The following UNC80 variants were observed in gnomAD, a reference collection of about 807,000 sequenced individuals.
UNC80 encodes the protein protein unc-80 homolog.
In UNC80, 164 loss-of-function variants were observed where a neutral mutation model predicts 384.6. That is an observed-to-expected ratio of 0.43 (90% confidence interval 0.38 to 0.49). The LOEUF (loss-of-function observed/expected upper bound fraction) is 0.49, where lower values mean the gene tolerates loss of function less well. Ranked by LOEUF, UNC80 falls within the 20% of genes least tolerant of loss-of-function variation. The probability of loss-of-function intolerance (pLI) is 0.00; values close to 1 mark genes in which losing one functional copy is unlikely to be tolerated. For synonymous variants in UNC80, 1,486 were observed against 1,527.8 expected, an observed-to-expected ratio of 0.97 and a Z score of 0.64; for missense variants, 3,330 against 4,143.0, an observed-to-expected ratio of 0.80 and a Z score of 5.39.
chr2:209,796,527 C>T (rs1322219318), intron 7 of UNC80: 1 of 152,232 alleles, frequency 6.6e-6, no homozygotes, highest in Non-Finnish European at 1.5e-5. Flanking sequence ...TGTGTCCCCA[C>T]TAAATCTCAG....
At chr2:209,863,173 C>T (rs62201561) in intron 22 of UNC80, among the ~76,000 whole-genome samples, 17,163 of 152,130 alleles carry the variant, frequency 0.11, 1,132 homozygotes, top group Non-Finnish European at 0.15. Flanking sequence ...CAATCTCTTC[C>T]GGCTTGTAGA....
intron 58 of UNC80, 52 bp downstream of exon 58, chr2:209,977,130 C>A (rs1303437705): frequency 2.1e-6 from 3 of 1,428,820 alleles, no homozygotes; most frequent in Non-Finnish European, 1.9e-6. Flanking sequence ...GAACTCACAG[C>A]CTACAAAGAA....
chr2:209,978,607 G>C lies in UNC80; in HGVS notation c.9017G>C (p.Arg3006Pro). 1 of 1,551,424 alleles carries C rather than the reference G, an allele frequency of 6.4e-7. No individual in the cohort carries two copies. ...CGCCTGAGCTTGGCCACCATGTCCC[G>C]CTCTAACACGGGCACGGGCACTGTC... ...AYRLSLATMS[R>P]SNTGTGTVWE... is the part of the protein sequence containing the mutation. The change falls in exon 59 of 65, where the codon CGC (arginine) becomes CCC (proline). Residue 3006 changes from arginine (R) to proline (P), a missense_variant. Physicochemically the swap from Arg to Pro is moderately radical, Grantham distance 103 (BLOSUM62 -2). Transcript: ENST00000673920.
At chr2:209,808,360 C>T (rs2079044951) in intron 7 of UNC80, among the ~76,000 whole-genome samples, 1 of 151,886 alleles carries the variant, frequency 6.6e-6, no homozygotes, top group Admixed American at 6.6e-5. Context: ...GTCAGATGTT[C>T]GAGACCAGCC....
chr2:209,906,090 C>T (rs2088168449), intron 29 of UNC80, among the ~76,000 whole-genome samples: 1 of 152,094 alleles, frequency 6.6e-6, no homozygotes, highest in Non-Finnish European at 1.5e-5. Flanking sequence ...AAACTAGAAG[C>T]AGAAAATCTT....
At chr2:209,931,586 A>G (rs940205120) in intron 38 of UNC80, among the ~76,000 whole-genome samples, 1 of 152,122 alleles carries the variant, frequency 6.6e-6, no homozygotes, top group Non-Finnish European at 1.5e-5. Flanking sequence ...TGGGGACTAG[A>G]ACCTGATGAC....
At chr2:209,841,347 T>C (rs1373345801) in intron 20 of UNC80, among the ~76,000 whole-genome samples, 1 of 152,066 alleles carries the variant, frequency 6.6e-6, no homozygotes. Flanking sequence ...TTTGTTGTTG[T>C]TGTTGTTGTT....
chr2:209,945,267 C>T (rs772483234), intron 46 of UNC80, 78 bp downstream of exon 46: 117 of 1,369,316 alleles, frequency 8.5e-5, no homozygotes, highest in Non-Finnish European at 1.1e-4. Flanking sequence ...TACACACATA[C>T]ACGTATATTT....
At chr2:209,805,698 TTATAACCTAATCTTC>T (rs879393625) in intron 7 of UNC80, among the ~76,000 whole-genome samples, 179 of 152,324 alleles carry the variant, frequency 1.2e-3, no homozygotes, top group African/African-American at 2.0e-3. Context: ...ATGGATGCTT[TTATAACCTAATCTTC>T]TATAACCTAA....
intron 58 of UNC80, 94 bp from the exon 59 acceptor site, chr2:209,978,435 C>T (rs760029894): frequency 1.8e-6 from 2 of 1,124,314 alleles, no homozygotes; most frequent in Admixed American, 5.8e-5. Flanking sequence ...ATTTAACTAA[C>T]CTTTCCTAAA....
In UNC80 at chr2:209,966,709, A is replaced by C. The variant is rs575877972; in HGVS notation, c.7806-728A>C. 3.1e-4 allele frequency among the ~76,000 whole-genome samples: 47 copies of C among 152,372 alleles called. No homozygotes were observed. In the South Asian group the frequency reaches 9.5e-3, roughly 31 times the overall value. ...CCTGGGCCAACCTTGAGAGAAGCAC[A>C]ACTTTCCCTCTGGCAGTTCCTGTAT... On this transcript the variant is annotated intron_variant, in intron 51 of 64. Coordinates refer to ENST00000673920, the MANE Select transcript of UNC80 (RefSeq NM_001371986.1).
At chr2:209,927,076 C>A in intron 36 of UNC80, 90 bp downstream of exon 36, 1 of 1,379,862 alleles carries the variant, frequency 7.2e-7, no homozygotes. Context: ...ACATTATCTA[C>A]TGGCCACATG....
intron 30 of UNC80, among the ~76,000 whole-genome samples, 183 bp downstream of exon 30, chr2:209,912,850 T>G (rs10166289): frequency 0.18 from 27,721 of 152,208 alleles, 3,610 homozygotes; most frequent in African/African-American, 0.37. Flanking sequence ...CTTCTTGCTA[T>G]ATAGCCAGCT....
rs138542040 is a variant in UNC80 at position 209,927,006 on chromosome 2, G to C, written c.5806+20G>C. 7.7e-6 allele frequency: 12 copies of C among 1,550,538 alleles called. No homozygotes were observed. In the South Asian group the frequency reaches 1.3e-4, roughly 17 times the overall value. On this transcript the variant is annotated intron_variant, in intron 36 of 64. Transcript: ENST00000673920. ...TAGCAGGTACAGTTTTGAACAGTCA[G>C]ATCATCAGTGACATTCTTAAGCTGT...
At chr2:209,790,742 T>C (rs1163963537) in intron 6 of UNC80, among the ~76,000 whole-genome samples, 1 of 152,182 alleles carries the variant, frequency 6.6e-6, no homozygotes. Context: ...AAATTTTAAA[T>C]GTGAAGGAGT....
chr2:209,862,625 CAG>C (rs779931938), intron 22 of UNC80, among the ~76,000 whole-genome samples: 1 of 144,414 alleles, frequency 6.9e-6, no homozygotes, highest in Admixed American at 6.9e-5. Flanking sequence ...TCTGTTTTGT[CAG>C]AGACTAGGAT....
chr2:209,973,981 T>A (rs2092946695), intron 56 of UNC80, among the ~76,000 whole-genome samples: 1 of 152,148 alleles, frequency 6.6e-6, no homozygotes, highest in African/African-American at 2.4e-5. Flanking sequence ...TTTAACCTGG[T>A]CGTGACCCGG....
At chr2:209,969,566 G>A (rs1045750895) in intron 52 of UNC80, 12 of 583,276 alleles carry the variant, frequency 2.1e-5, no homozygotes, top group African/African-American at 1.3e-4. Context: ...AGATTTAGTC[G>A]AGTGGGGCAG....
chr2:209,838,680 G>A lies in UNC80; in HGVS notation c.3042-542G>A, dbSNP rs1189598890. Among the ~76,000 whole-genome samples the A allele has an allele frequency of 3.3e-5, 5 of 152,122 alleles. No homozygotes were observed. In the East Asian group the frequency reaches 9.6e-4, roughly 29 times the overall value. On this transcript the variant is annotated intron_variant, in intron 18 of 64. Transcript: ENST00000673920. ...GATCTTTAATAAAAAGTTAAATATTGGCTGGGCACGGTGGCTCATGCCTGT... is the reference window on the plus strand; with the variant it reads ...GATCTTTAATAAAAAGTTAAATATTAGCTGGGCACGGTGGCTCATGCCTGT...
Sources: gnomAD v4.1 joint callset for allele counts (sites outside exome capture counted in the v4.1 genomes callset) on GRCh38, gnomAD v4.1.1 for gene constraint, MANE v1.5 for transcripts, NCBI Gene and HGNC (gene_info 2026-07-23, HGNC 2026-07-21) for gene names.